Variants in APLF observed in about 807,000 individuals in gnomAD.
APLF encodes the protein aprataxin and PNKP like factor.
Under a neutral mutation model 55.6 loss-of-function variants are expected in APLF, and 61 were observed. The ratio of observed to expected loss-of-function variants is 1.10; its 90% CI spans 0.89 to 1.36. APLF has a LOEUF of 1.36. APLF is among the 40% of genes most tolerant of loss of function. The pLI, the probability that APLF is intolerant of heterozygous loss-of-function variation, is 0.00. For missense variants in APLF, 611 were observed against 602.5 expected (o/e 1.01, Z -0.15); for synonymous variants, 207 against 214.8 (o/e 0.96, Z 0.32).
At chr2:68,519,245 T>G (rs1669817648) in intron 5 of APLF, among the ~76,000 whole-genome samples, 1 of 139,750 alleles carries the variant, frequency 7.2e-6, no homozygotes, top group African/African-American at 2.6e-5. Flanking sequence ...TTATATATTA[T>G]ATATCATTTA....
rs1671332245 is a variant in APLF at position 68,567,181 on chromosome 2, A to G, written c.1287-160A>G. Among the ~76,000 whole-genome samples, 3 of 152,068 alleles carry G rather than the reference A, an allele frequency of 2.0e-5. No homozygotes were observed. In the South Asian group the frequency reaches 6.2e-4, roughly 32 times the overall value. On this transcript the variant is annotated intron_variant, in intron 8 of 9. Transcript: ENST00000303795. ...GAAATGTGCTTGGCATGGAGTAGGCACACAGGAAATATTGTAATTAAACAA... is the reference window on the plus strand; with the variant it reads ...GAAATGTGCTTGGCATGGAGTAGGCGCACAGGAAATATTGTAATTAAACAA...
At position 68,467,678 on chromosome 2, in the gene APLF, C is replaced by T; in HGVS notation, c.-54C>T. On this transcript the variant is annotated 5_prime_UTR_variant, in exon 1 of 10. Transcript: ENST00000303795. ...TTGCCCCGCGCGTGTCTGTGGAGGG[C>T]GGAAACAGCGGAGGGGCCAGTCTCC... The T allele has an allele frequency of 1.6e-6, 2 of 1,213,746 alleles. No homozygotes were observed. The highest frequency in any genetic ancestry group is 2.1e-6 in the Non-Finnish European group (2 of 969,186). The allele number at this position is 1,213,746 out of a possible 1,614,324, so 75.2% of individuals were successfully genotyped here.
chr2:68,539,951 CTG>C (rs971549439), intron 7 of APLF, among the ~76,000 whole-genome samples: 11 of 152,232 alleles, frequency 7.2e-5, no homozygotes, highest in African/African-American at 2.2e-4. Flanking sequence ...AAAAATAAAA[CTG>C]TAATTATTTA....
chr2:68,537,565 T>C (rs2104003795), intron 6 of APLF, among the ~76,000 whole-genome samples: 1 of 152,236 alleles, frequency 6.6e-6, no homozygotes, highest in Middle Eastern at 3.4e-3. Flanking sequence ...AGACGGGGTT[T>C]CACCTTGTTG....
At chr2:68,574,872 T>C (rs1184250274) in intron 9 of APLF, among the ~76,000 whole-genome samples, 1 of 152,206 alleles carries the variant, frequency 6.6e-6, no homozygotes, top group Non-Finnish European at 1.5e-5. Flanking sequence ...TAAGAGTTTC[T>C]GTAAAACTAA....
chr2:68,492,366 T>C (rs1420849370), intron 2 of APLF, among the ~76,000 whole-genome samples: 1 of 152,052 alleles, frequency 6.6e-6, no homozygotes, highest in Admixed American at 6.5e-5. Flanking sequence ...TAGTCCCAGC[T>C]ACTCTGGAGG....
rs766700631 is a variant in APLF, at chr2:68,538,025, G to A, written c.958G>A (p.Glu320Lys). Residue 320 changes from glutamate (E) to lysine (K), a missense_variant, in exon 7 of 10, where the codon GAG (glutamate) becomes AAG (lysine). Coordinates refer to ENST00000303795, the MANE Select transcript of APLF (RefSeq NM_173545.3). ...ATKRTPHKED[E>K]AMSCSENCSS... ...TAAAAGAACACCACATAAAGAAGAT[G>A]AGGCAATGAGCTGTTCTGAAAATTG... The A allele has an allele frequency of 2.2e-5, 35 of 1,613,980 alleles. No individual in the cohort carries two copies. The highest frequency in any genetic ancestry group is 2.9e-5 in the Non-Finnish European group (34 of 1,180,006).
Position 68,529,597 on chromosome 2 carries a change from G to A in APLF, c.804+3355G>A. The A allele has an allele frequency of 2.3e-6, 1 of 430,442 alleles. No homozygotes were observed. The highest frequency in any genetic ancestry group is 8.6e-5 in the South Asian group (1 of 11,612). The allele number at this position is 430,442 out of a possible 1,614,324, so 26.7% of individuals were successfully genotyped here. ...TGACATCACCATGGGGCTGGTGACAGAGCCAGGGTGTGGAGGAGTGCTTAG... is the reference window on the plus strand; with the variant it reads ...TGACATCACCATGGGGCTGGTGACAAAGCCAGGGTGTGGAGGAGTGCTTAG... On this transcript the variant is annotated intron_variant, in intron 6 of 9. Transcript: ENST00000303795. This position sits in a 1 kb window ranked among gnomAD's most constrained non-coding sequence, Gnocchi z 4.4.
In APLF at chr2:68,538,033, G is replaced by A. The variant is rs758244752; in HGVS notation, c.966G>A (p.Met322Ile). 6.2e-7 allele frequency: 1 copy of A among 1,614,102 alleles called. No homozygotes were observed. Among genetic ancestry groups the A allele is most frequent in the South Asian group, 1.1e-5 (1 of 91,074 alleles). The change falls in exon 7 of 10, where the codon ATG becomes ATA. Residue 322 changes from methionine (M) to isoleucine (I), a missense_variant. Coordinates refer to ENST00000303795, the MANE Select transcript of APLF (RefSeq NM_173545.3). ...KRTPHKEDEA[M>I]SCSENCSSAQ... ...CACCACATAAAGAAGATGAGGCAAT[G>A]AGCTGTTCTGAAAATTGTTCGAGTG... is the stretch of plus-strand genomic sequence containing the variant.
intron 9 of APLF, among the ~76,000 whole-genome samples, chr2:68,576,381 T>C (rs1671624244): frequency 6.6e-6 from 1 of 152,196 alleles, no homozygotes; most frequent in Admixed American, 6.6e-5. Context: ...TTACAGGAGC[T>C]GTATATACAG....
chr2:68,495,924 A>G (rs900445860), intron 2 of APLF, among the ~76,000 whole-genome samples: 8 of 152,202 alleles, frequency 5.3e-5, no homozygotes, highest in African/African-American at 1.9e-4. Flanking sequence ...CAGTGGGAAT[A>G]TGGATAGCAC....
At chr2:68,568,917 A>G (rs1573276749) in intron 9 of APLF, among the ~76,000 whole-genome samples, 2 of 152,248 alleles carry the variant, frequency 1.3e-5, no homozygotes, top group East Asian at 3.9e-4. Flanking sequence ...AAAAGTTGCT[A>G]TGTGGCAATA....
intron 1 of APLF, 26 bp from the exon 2 acceptor site, chr2:68,490,164 A>ATC: frequency 6.5e-7 from 1 of 1,544,066 alleles, no homozygotes; most frequent in Non-Finnish European, 8.7e-7. Context: ...GGCTATTCTT[A>ATC]ATCTTTTAAT....
chr2:68,500,014 G>A (rs6706999), intron 2 of APLF, among the ~76,000 whole-genome samples: 23,559 of 151,880 alleles, frequency 0.16, 4,070 homozygotes, highest in African/African-American at 0.43. Context: ...TTTATTTTTT[G>A]TGTAATTATG....
At chr2:68,474,617 A>G (rs1010327298) in intron 1 of APLF, among the ~76,000 whole-genome samples, 6 of 152,114 alleles carry the variant, frequency 3.9e-5, no homozygotes, top group African/African-American at 1.4e-4. Flanking sequence ...ATGTCTTCAT[A>G]CTTTTGTATG....
intron 3 of APLF, among the ~76,000 whole-genome samples, chr2:68,511,489 A>G (rs1677049353): frequency 6.6e-6 from 1 of 151,734 alleles, no homozygotes; most frequent in South Asian, 2.1e-4. Flanking sequence ...AATAAAAATT[A>G]CATATGGACT....
intron 9 of APLF, among the ~76,000 whole-genome samples, chr2:68,569,651 G>C (rs1369084603): frequency 6.6e-6 from 1 of 152,158 alleles, no homozygotes; most frequent in Non-Finnish European, 1.5e-5. Flanking sequence ...AATACAGTTT[G>C]AATTAGAGAA....
At chr2:68,538,365 T>C (rs909868365) in intron 7 of APLF, 138 bp downstream of exon 7, 35 of 702,730 alleles carry the variant, frequency 5.0e-5, no homozygotes, top group South Asian at 1.1e-4. Context: ...TTCTACTATT[T>C]GTACTTCCTC....
intron 6 of APLF, among the ~76,000 whole-genome samples, chr2:68,533,688 C>G (rs928700137): frequency 1.3e-5 from 2 of 152,150 alleles, no homozygotes; most frequent in African/African-American, 2.4e-5. Context: ...TGGGGGCTGG[C>G]TGGGCCCACC....
Sources: gnomAD v4.1 joint callset for allele counts (sites outside exome capture counted in the v4.1 genomes callset) on GRCh38, gnomAD v4.1.1 for gene constraint, Gnocchi (gnomAD v3.1) non-coding constraint, MANE v1.5 for transcripts, NCBI Gene and HGNC (gene_info 2026-07-23, HGNC 2026-07-21) for gene names.